Variants in RRBP1 observed in about 807,000 individuals in gnomAD.
RRBP1 encodes ribosome binding protein 1, also known as ribosome-binding protein 1.
In RRBP1, 94 loss-of-function variants were observed where a neutral mutation model predicts 165.2. The ratio of observed to expected loss-of-function variants is 0.57; its 90% CI spans 0.48 to 0.68. RRBP1 has a LOEUF of 0.68. Ranked by LOEUF, RRBP1 falls within the 30% of genes least tolerant of loss-of-function variation. The probability of loss-of-function intolerance (pLI) is 0.00; values close to 1 mark genes in which losing one functional copy is unlikely to be tolerated. For missense variants in RRBP1, 1,676 were observed against 1,763.0 expected, an observed-to-expected ratio of 0.95 and a Z score of 0.88; for synonymous variants, 680 against 714.5, an observed-to-expected ratio of 0.95 and a Z score of 0.77.
At chr20:17,625,146 C>A (rs948229210) in intron 12 of RRBP1, among the ~76,000 whole-genome samples, 16 of 152,098 alleles carry the variant, frequency 1.1e-4, no homozygotes, top group Admixed American at 9.8e-4. Context: ...CGAGGCCACA[C>A]CAGGACAGCA....
chr20:17,650,772 G>A (rs2036542235), intron 3 of RRBP1, among the ~76,000 whole-genome samples: 1 of 152,214 alleles, frequency 6.6e-6, no homozygotes, highest in African/African-American at 2.4e-5. Flanking sequence ...GGTGCTGGGT[G>A]GGACAGCTCT....
At chr20:17,632,812 A>G (rs1376918661) in intron 8 of RRBP1, among the ~76,000 whole-genome samples, 1 of 152,172 alleles carries the variant, frequency 6.6e-6, no homozygotes, top group Non-Finnish European at 1.5e-5. Context: ...CTGGGCTGGG[A>G]AAACATGCTG....
chr20:17,674,720 T>C (rs760916424), intron 2 of RRBP1, among the ~76,000 whole-genome samples: 2 of 152,024 alleles, frequency 1.3e-5, no homozygotes, highest in Non-Finnish European at 2.9e-5. Flanking sequence ...GATGCACCAC[T>C]GCACTCCAGC....
intron 18 of RRBP1, 196 bp from the exon 19 acceptor site, chr20:17,619,924 C>A (rs1600725872): frequency 3.6e-6 from 2 of 557,848 alleles, no homozygotes; most frequent in Non-Finnish European, 6.4e-6. Context: ...TGCACCCGGG[C>A]ACTCCTGGGG....
intron 22 of RRBP1, 49 bp from the exon 23 acceptor site, chr20:17,615,578 T>C: frequency 1.3e-6 from 2 of 1,492,094 alleles, no homozygotes; most frequent in Non-Finnish European, 1.8e-6. Context: ...TATAAACGGC[T>C]GTGCTGTCAA....
intron 8 of RRBP1, among the ~76,000 whole-genome samples, chr20:17,632,283 G>A (rs910270423): frequency 2.0e-5 from 3 of 152,144 alleles, no homozygotes; most frequent in Non-Finnish European, 2.9e-5. Flanking sequence ...GGAGATACTG[G>A]GAGCCTGGGG....
chr20:17,647,910 C>G (rs1303004388), intron 3 of RRBP1, among the ~76,000 whole-genome samples: 1 of 152,196 alleles, frequency 6.6e-6, no homozygotes. Flanking sequence ...CTTGGCGTGC[C>G]TTCCACGCCC....
Position 17,682,137 on chromosome 20 carries a change from C to G in RRBP1, c.-208G>C, listed in dbSNP as rs2037206178. ...GCCAAGCCTCCGCCAAGAAACCGCC[C>G]CCGAGCAGCTGTAGACGCTGCGACC... On this transcript the variant is annotated 5_prime_UTR_variant, in exon 1 of 25. Transcript: ENST00000377813. 6.6e-6 allele frequency: 1 copy of G among 152,626 alleles called. No homozygotes were observed. Among genetic ancestry groups the G allele is most frequent in the African/African-American group, 2.4e-5 (1 of 41,422 alleles). 9.5% of individuals were successfully genotyped at this position (152,626 alleles called of 1,614,324 possible).
At chr20:17,618,399 C>G (rs941602589) in intron 20 of RRBP1, among the ~76,000 whole-genome samples, 197 bp downstream of exon 20, 2 of 152,216 alleles carry the variant, frequency 1.3e-5, no homozygotes, top group African/African-American at 2.4e-5. Flanking sequence ...GTCCCAACAG[C>G]CACAGGCCCA....
intron 20 of RRBP1, among the ~76,000 whole-genome samples, chr20:17,618,294 A>G (rs2035839850): frequency 2.0e-5 from 3 of 152,118 alleles, no homozygotes; most frequent in Non-Finnish European, 2.9e-5. Flanking sequence ...GGTGACTACA[A>G]TGGGCTCACA....
chr20:17,627,518 C>T lies in RRBP1; in HGVS notation c.2914G>A (p.Ala972Thr), dbSNP rs758341351. ...ALLEAGQARD[A>T]QDVQASQAEA... ...AGAAGGCTGACCTGGACGTCCTGGG[C>T]ATCCCGCGCCTGGCCCGCCTCCAGC... The change falls in exon 10 of 25, where the codon GCC becomes ACC. Residue 972 changes from alanine to threonine, a missense_variant. Physicochemically the swap from Ala to Thr is moderately conservative, Grantham distance 58. Transcript: ENST00000377813. The T allele has an allele frequency of 1.9e-6, 3 of 1,610,444 alleles. No homozygotes were observed. Among genetic ancestry groups the T allele is most frequent in the Admixed American group, 3.4e-5 (2 of 59,684 alleles).
chr20:17,614,728 G>A lies in RRBP1; in HGVS notation c.4194+9C>T, dbSNP rs773825266. 2.5e-6 allele frequency: 4 copies of A among 1,610,708 alleles called. No individual in the cohort carries two copies. The highest frequency in any genetic ancestry group is 3.4e-6 in the Non-Finnish European group (4 of 1,179,972). ...CTCCTCCCGCCCTGCTTTGGCGCCA[G>A]GCACGCACTGCCTTTTCCAGCTGTT... On this transcript the variant is annotated intron_variant, in intron 24 of 24. Transcript: ENST00000377813.
rs752578231 is a variant in RRBP1, at chr20:17,616,781, G to A, written c.3818C>T (p.Ala1273Val). Residue 1273 changes from alanine (A) to valine (V), a missense_variant, in exon 21 of 25, where the codon GCC (alanine) becomes GTC (valine). Ala to Val is a moderately conservative substitution (Grantham distance 64, BLOSUM62 0). Around this residue, in one of 5 missense-constraint regions of RRBP1, gnomAD observed 1,184 missense variants for 1,167.1 expected, o/e 1.01. Coordinates refer to ENST00000377813, the MANE Select transcript of RRBP1 (RefSeq NM_001365613.2). The stretch of plus-strand genomic sequence containing the variant: ...GGGCGCCTCTGGGGAGGAAGCTGGG[G>A]CCCCAGCTATGTCACCATCCTCTAC... ...SHVEDGDIAG[A>V]PASSPEAPPA... 3.1e-6 allele frequency: 5 copies of A among 1,612,646 alleles called. No individual in the cohort carries two copies. The African/African-American group carries it at 4.0e-5, about 13-fold the overall frequency.
intron 19 of RRBP1, 130 bp downstream of exon 19, chr20:17,619,502 CA>C: frequency 1.6e-6 from 1 of 618,030 alleles, no homozygotes; most frequent in Non-Finnish European, 2.7e-6. Flanking sequence ...AGGCTTCGGG[CA>C]AACGCCTGAG....
intron 4 of RRBP1, 56 bp from the exon 5 acceptor site, chr20:17,641,975 CCT>C: frequency 1.9e-6 from 3 of 1,574,638 alleles, no homozygotes; most frequent in Non-Finnish European, 2.6e-6. Context: ...TGGCTCATCC[CCT>C]GACCCCGGAC....
At chr20:17,662,296 C>G (rs1568784944) in intron 2 of RRBP1, among the ~76,000 whole-genome samples, 1 of 152,046 alleles carries the variant, frequency 6.6e-6, no homozygotes. Context: ...AAAAATCACT[C>G]TCATCACAGA....
Position 17,643,030 on chromosome 20 carries a change from G to A in RRBP1, c.2010C>T (p.Leu670=), listed in dbSNP as rs1177295400. Residue 670 remains leucine (L), a synonymous_variant, in exon 4 of 25, where the codon CTC becomes CTT. Transcript: ENST00000377813. The surrounding 1 kb of genome is among the most constrained non-coding windows in gnomAD (Gnocchi z 4.3). ...MVFNEGEAQR[L]IEILSEKAGI... is the part of the protein sequence containing the mutation. ...CAGCCTTCTCAGACAGGATCTCGAT[G>A]AGCCGCTGGGCCTCGCCCTCGTTGA... 3 of 1,614,124 alleles carry A rather than the reference G, an allele frequency of 1.9e-6. No homozygotes were observed. Among genetic ancestry groups the A allele is most frequent in the Admixed American group, 1.7e-5 (1 of 60,030 alleles).
chr20:17,647,602 C>T (rs1264712932), intron 3 of RRBP1, among the ~76,000 whole-genome samples: 1 of 152,172 alleles, frequency 6.6e-6, no homozygotes, highest in African/African-American at 2.4e-5. Flanking sequence ...TCCTAAGAGC[C>T]CAGGACCAGG....
chr20:17,650,251 T>C (rs2036531157), intron 3 of RRBP1, among the ~76,000 whole-genome samples: 1 of 151,972 alleles, frequency 6.6e-6, no homozygotes, highest in Non-Finnish European at 1.5e-5. Context: ...CTCCCAAAGG[T>C]GGCCTCTTTT....
Sources: gnomAD v4.1 joint callset for allele counts (sites outside exome capture counted in the v4.1 genomes callset) on GRCh38, gnomAD v4.1.1 for gene constraint, gnomAD v4.1.1 regional missense constraint, Gnocchi (gnomAD v3.1) non-coding constraint, MANE v1.5 for transcripts, NCBI Gene and HGNC (gene_info 2026-07-23, HGNC 2026-07-21) for gene names.